CARD14: variants seen among roughly 807,000 people sequenced by gnomAD.
CARD14 encodes the protein caspase recruitment domain-containing protein 14.
A neutral mutation model predicts 111.5 loss-of-function variants in CARD14; 107 were observed. That is an observed-to-expected ratio of 0.96 (90% confidence interval 0.82 to 1.13). CARD14 has a LOEUF of 1.13. CARD14 is among the 50% of genes most tolerant of loss of function. The pLI is 0.00. For synonymous variants in CARD14, 617 were observed against 579.6 expected (o/e 1.06, Z -0.93); for missense variants, 1,322 against 1,362.3 (o/e 0.97, Z 0.47).
rs191713350 is a variant in CARD14, at chr17:80,182,943, G to C, written c.349+153G>C. Among the ~76,000 whole-genome samples, 9 of 152,258 alleles carry C rather than the reference G, an allele frequency of 5.9e-5. No individual in the cohort carries two copies. The highest frequency in any genetic ancestry group is 4.6e-4 in the Admixed American group (7 of 15,288). On this transcript the variant is annotated intron_variant, in intron 6 of 23. Coordinates refer to ENST00000648509, the MANE Select transcript of CARD14 (RefSeq NM_001366385.1). The surrounding 1 kb of genome is among the most constrained non-coding windows in gnomAD (Gnocchi z 4.7). ...CCAGCCCCAGCACTCTGAGGGTGAG[G>C]AACCCCCTCACTGTATTGGGGTTGG...
intron 6 of CARD14, 142 bp from the exon 7 acceptor site, chr17:80,183,769 TGC>T (rs1380219339): frequency 7.3e-6 from 3 of 410,148 alleles, no homozygotes; most frequent in African/African-American, 5.2e-5. Context: ...GCTGCCCACA[TGC>T]TCACCCGCCC....
In CARD14 at chr17:80,188,549, G is replaced by A. The variant is rs1598649505; in HGVS notation, c.843+5G>A. ...CGCTCGCTGACTTTCAGCCTGGTAG[G>A]TTCCGGTCCCCGCAGCAGAGAGCGG... On this transcript the variant is annotated splice_donor_5th_base_variant and intron_variant, in intron 8 of 23. Transcript: ENST00000648509. This position sits in a 1 kb window ranked among gnomAD's most constrained non-coding sequence, Gnocchi z 4.5. The A allele has an allele frequency of 1.3e-6, 2 of 1,492,596 alleles. No individual in the cohort carries two copies. Among genetic ancestry groups the A allele is most frequent in the Non-Finnish European group, 1.8e-6 (2 of 1,119,482 alleles). 92.5% of individuals were successfully genotyped at this position (1,492,596 alleles called of 1,614,324 possible). A position where few individuals can be genotyped will look rare whatever the true frequency, so the allele number is the denominator to read the frequency against.
At position 80,201,808 on chromosome 17, in the gene CARD14, C is replaced by G. The variant is rs918043908; in HGVS notation, c.1916C>G (p.Ala639Gly). 4 of 1,613,766 alleles carry G rather than the reference C, an allele frequency of 2.5e-6. No individual in the cohort carries two copies. The highest frequency in any genetic ancestry group is 3.4e-6 in the Non-Finnish European group (4 of 1,179,698). ...CTGGAGGACACGACCCTGGAGGAGG[C>G]CGTGGGGCTTCTCAGGAGGGTGGAC... ...AVLEDTTLEEAVGLLRRVDGF... is the reference protein window; with the variant it reads ...AVLEDTTLEEGVGLLRRVDGF... The change falls in exon 17 of 24, where the codon GCC (alanine) becomes GGC (glycine). Residue 639 changes from alanine (A) to glycine (G), a missense_variant. Physicochemically the swap from Ala to Gly is moderately conservative, Grantham distance 60 (BLOSUM62 0). Transcript: ENST00000648509. This position sits in a 1 kb window ranked among gnomAD's most constrained non-coding sequence, Gnocchi z 5.0.
chr17:80,178,715 G>A (rs7211994), intron 3 of CARD14, 60 bp downstream of exon 3: 65,699 of 152,046 alleles, frequency 0.43, 14,716 homozygotes, highest in Middle Eastern at 0.58. Flanking sequence ...CTGCACACAC[G>A]ACTCTCCAAC....
At chr17:80,179,909 C>A (rs1035861493) in intron 4 of CARD14, among the ~76,000 whole-genome samples, 1 of 152,260 alleles carries the variant, frequency 6.6e-6, no homozygotes, top group Non-Finnish European at 1.5e-5. Flanking sequence ...AACAAAAAGG[C>A]GCCATCTGCC....
rs755323781 is a variant in CARD14, at chr17:80,208,339, C to T, written c.3009C>T (p.Pro1003=). 1.3e-6 allele frequency: 2 copies of T among 1,594,976 alleles called. No homozygotes were observed. Among genetic ancestry groups the T allele is most frequent in the East Asian group, 4.5e-5 (2 of 44,222 alleles). ...QKKVVWTEQS[P]R is the part of the protein sequence containing the mutation. ...AGGTGGTGTGGACGGAGCAGAGCCCCCGATGATGCACCGTGCCCCTTCCCG... is the reference window on the plus strand; with the variant it reads ...AGGTGGTGTGGACGGAGCAGAGCCCTCGATGATGCACCGTGCCCCTTCCCG... Residue 1003 remains proline (P), a synonymous_variant, in exon 24 of 24, where the codon CCC becomes CCT. Coordinates refer to ENST00000648509, the MANE Select transcript of CARD14 (RefSeq NM_001366385.1).
rs773171779 is a variant in CARD14, at chr17:80,198,594, G to A, written c.1851+3G>A. 1 of 1,611,566 alleles carries A rather than the reference G, an allele frequency of 6.2e-7. No homozygotes were observed. Among genetic ancestry groups the A allele is most frequent in the Non-Finnish European group, 8.5e-7 (1 of 1,179,404 alleles). On this transcript the variant is annotated splice_donor_region_variant and intron_variant, in intron 16 of 23. Coordinates refer to ENST00000648509, the MANE Select transcript of CARD14 (RefSeq NM_001366385.1). The surrounding 1 kb of genome is among the most constrained non-coding windows in gnomAD (Gnocchi z 7.5). ...GCCCGGGCACCCAGATTGTGATGGTGAGCCGTGCGAGGCCCCTCCTGTCCC... is the reference window on the plus strand; with the variant it reads ...GCCCGGGCACCCAGATTGTGATGGTAAGCCGTGCGAGGCCCCTCCTGTCCC...
chr17:80,184,175 C>G lies in CARD14; in HGVS notation c.612C>G (p.His204Gln), dbSNP rs945254526. The G allele has an allele frequency of 1.3e-6, 2 of 1,562,820 alleles. No homozygotes were observed. The highest frequency in any genetic ancestry group is 1.4e-5 in the African/African-American group (1 of 73,840). Residue 204 changes from histidine to glutamine, a missense_variant, in exon 7 of 24, where the codon CAC (histidine) becomes CAG (glutamine). By Grantham distance (24) the His-to-Gln change is conservative (BLOSUM62 0). Coordinates refer to ENST00000648509, the MANE Select transcript of CARD14 (RefSeq NM_001366385.1). Reference sequence around the variant, plus strand: ...ACGAGATGCTCAGCCTCTCGCTGCACTATAGCAATGCGCTGCAGGAGAAGG... The same window carrying G: ...ACGAGATGCTCAGCCTCTCGCTGCAGTATAGCAATGCGCTGCAGGAGAAGG... Reference protein sequence around the residue: ...LKDEMLSLSLHYSNALQEKEL... With the variant: ...LKDEMLSLSLQYSNALQEKEL...
intron 14 of CARD14, chr17:80,197,543 A>AAAAG (rs36045743): frequency 0.17 from 24,441 of 143,740 alleles, 2,413 homozygotes; most frequent in African/African-American, 0.25. Context: ...AAAAAAAAAA[A>AAAAG]AAAGAAAGAA....
Position 80,187,603 on chromosome 17 carries a change from C to T in CARD14, c.676-774C>T, listed in dbSNP as rs3829612. On this transcript the variant is annotated intron_variant, in intron 7 of 23. Coordinates refer to ENST00000648509, the MANE Select transcript of CARD14 (RefSeq NM_001366385.1). ...ACTTGCGAATTGACAATGTGCTAAC[C>T]GGGTGTCGGGAGGGGAGAGTCCAGG... 0.3 allele frequency among the ~76,000 whole-genome samples: 45,917 copies of T among 152,130 alleles called. 7,488 individuals carry two copies. Among genetic ancestry groups the T allele is most frequent in the Middle Eastern group, 0.4 (118 of 294 alleles).
rs2041356662 is a variant in CARD14 at position 80,207,013 on chromosome 17, C to CTGT, written c.2735_2736insTGT (p.Thr912_Leu913insVal). On this transcript the variant is annotated inframe_insertion, in exon 23 of 24. Transcript: ENST00000648509. ...GACGTCCAGCTGGACAGTGTCTGCA[C>CTGT]CCTGCACAGGATGGACATCTTCCCC... 6.2e-7 allele frequency: 1 copy of CTGT among 1,613,928 alleles called. No individual in the cohort carries two copies. The highest frequency in any genetic ancestry group is 8.5e-7 in the Non-Finnish European group (1 of 1,179,960).
chr17:80,179,551 A>T (rs945468476), intron 4 of CARD14, among the ~76,000 whole-genome samples: 9 of 152,208 alleles, frequency 5.9e-5, no homozygotes, highest in Non-Finnish European at 1.3e-4. Context: ...AATGATTTTT[A>T]AAATATCATT....
At chr17:80,171,630 G>A (rs921384309) in intron 1 of CARD14, among the ~76,000 whole-genome samples, 2 of 152,244 alleles carry the variant, frequency 1.3e-5, no homozygotes, top group Non-Finnish European at 2.9e-5. Flanking sequence ...GAAGGGACTA[G>A]TGACTTCTAT....
chr17:80,191,557 T>C, intron 11 of CARD14, 85 bp downstream of exon 11: 3 of 1,525,746 alleles, frequency 2.0e-6, no homozygotes, highest in Non-Finnish European at 2.7e-6. Context: ...GGGTGGCCCA[T>C]GGAGGCACTG....
intron 10 of CARD14, among the ~76,000 whole-genome samples, 157 bp downstream of exon 10, chr17:80,191,056 C>T (rs557955996): frequency 2.0e-5 from 3 of 152,336 alleles, no homozygotes; most frequent in Admixed American, 2.0e-4. Flanking sequence ...CTTCACTCCT[C>T]CAGGCCTGTT....
At position 80,203,742 on chromosome 17, in the gene CARD14, A is replaced by C; in HGVS notation, c.2220-80A>C. The C allele has an allele frequency of 1.8e-6, 2 of 1,099,102 alleles. No individual in the cohort carries two copies. The highest frequency in any genetic ancestry group is 2.7e-6 in the Non-Finnish European group (2 of 753,736). The allele number at this position is 1,099,102 out of a possible 1,614,324, so 68.1% of individuals were successfully genotyped here. A position where few individuals can be genotyped will look rare whatever the true frequency, so the allele number is the denominator to read the frequency against. On this transcript the variant is annotated intron_variant, in intron 18 of 23. Transcript: ENST00000648509. This position sits in a 1 kb window ranked among gnomAD's most constrained non-coding sequence, Gnocchi z 4.6. ...TCTCTCCCACCCGGCCATCTCCCCC[A>C]CTCTCCCCTGCTCGGCTCTCCCCTG...
At chr17:80,177,087 C>T (rs2040043207) in intron 2 of CARD14, among the ~76,000 whole-genome samples, 1 of 152,202 alleles carries the variant, frequency 6.6e-6, no homozygotes, top group Admixed American at 6.5e-5. Flanking sequence ...ATGAAGGCTC[C>T]AGGGAGGGTC....
chr17:80,189,875 GCC>G lies in CARD14; in HGVS notation c.963+4_963+5del. ...CTGCCGAGAGGCAGCGAGAGCAGGTGCCGTGTGAGCCCTTCCTCCCTTGTGAC... is the reference window on the plus strand; with the variant it reads ...CTGCCGAGAGGCAGCGAGAGCAGGTGGTGTGAGCCCTTCCTCCCTTGTGAC... On this transcript the variant is annotated splice_donor_5th_base_variant and intron_variant, in intron 9 of 23. Coordinates refer to ENST00000648509, the MANE Select transcript of CARD14 (RefSeq NM_001366385.1). The surrounding 1 kb of genome is among the most constrained non-coding windows in gnomAD (Gnocchi z 4.7). The G allele has an allele frequency of 6.3e-7, 1 of 1,594,398 alleles. No individual in the cohort carries two copies. The highest frequency in any genetic ancestry group is 8.5e-7 in the Non-Finnish European group (1 of 1,172,460).
rs761289925 is a variant in CARD14 at position 80,201,770 on chromosome 17, G to A, written c.1878G>A (p.Leu626=). 2 of 1,614,082 alleles carry A rather than the reference G, an allele frequency of 1.2e-6. No individual in the cohort carries two copies. The highest frequency in any genetic ancestry group is 2.2e-5 in the South Asian group (2 of 91,080). ...TTGATTACGAAGCCTCAGAGCCCTT[G>A]TTCAAGGCAGTCCTGGAGGACACGA... The part of the protein sequence containing the change: ...VMVDYEASEP[L]FKAVLEDTTL... The change falls in exon 17 of 24, where the codon TTG becomes TTA. Residue 626 remains leucine (L), a synonymous_variant. Coordinates refer to ENST00000648509, the MANE Select transcript of CARD14 (RefSeq NM_001366385.1). This position sits in a 1 kb window ranked among gnomAD's most constrained non-coding sequence, Gnocchi z 5.0.
Sources: allele counts gnomAD v4.1 joint callset (sites outside exome capture counted in the v4.1 genomes callset), GRCh38; gene constraint gnomAD v4.1.1; non-coding constraint Gnocchi (gnomAD v3.1); transcripts MANE v1.5; gene names NCBI Gene and HGNC (gene_info 2026-07-23, HGNC 2026-07-21).